DCLK1: variants seen among roughly 807,000 people sequenced by gnomAD.
DCLK1 encodes serine/threonine-protein kinase DCLK1.
Under a neutral mutation model 86.2 loss-of-function variants are expected in DCLK1, and 16 were observed. The observed-to-expected ratio is 0.19, with a 90% CI of 0.13 to 0.28. The LOEUF is 0.28. Ranked by LOEUF, DCLK1 falls within the 10% of genes least tolerant of loss-of-function variation. The probability of loss-of-function intolerance (pLI) is 1.00; values close to 1 mark genes in which losing one functional copy is unlikely to be tolerated. For synonymous variants in DCLK1, 369 were observed against 370.5 expected, an observed-to-expected ratio of 1.00 and a Z score of 0.05; for missense variants, 590 against 940.2, an observed-to-expected ratio of 0.63 and a Z score of 4.87.
At chr13:36,085,647 G>A (rs9575257) in intron 3 of DCLK1, among the ~76,000 whole-genome samples, 46,933 of 152,012 alleles carry the variant, frequency 0.31, 7,652 homozygotes, top group East Asian at 0.53. Flanking sequence ...TATTCTTTGT[G>A]ACTGAGGAAA....
intron 3 of DCLK1, among the ~76,000 whole-genome samples, chr13:36,096,414 A>G (rs1885023844): frequency 1.3e-5 from 2 of 152,262 alleles, no homozygotes; most frequent in South Asian, 2.1e-4. Context: ...CTGAAGTACA[A>G]AGGCATTTTC....
chr13:35,912,398 C>T (rs1875092848), intron 4 of DCLK1, among the ~76,000 whole-genome samples: 1 of 152,072 alleles, frequency 6.6e-6, no homozygotes, highest in Admixed American at 6.5e-5. Flanking sequence ...TCAAAACTAC[C>T]TATGGCCCAC....
intron 10 of DCLK1, among the ~76,000 whole-genome samples, chr13:35,824,918 C>T (rs1253665420): frequency 6.6e-6 from 1 of 152,140 alleles, no homozygotes; most frequent in Admixed American, 6.5e-5. Context: ...CATGACAGCG[C>T]CCTTCCTGAA....
At position 35,836,015 on chromosome 13, in the gene DCLK1, A is replaced by G; in HGVS notation, c.1229+18T>C. 1 of 1,547,828 alleles carries G rather than the reference A, an allele frequency of 6.5e-7. No homozygotes were observed. ...AAATGTAACCTTTAAGGTTTGATGCAAATGATATCCTTCTCACCTTTCTAC... is the reference window on the plus strand; with the variant it reads ...AAATGTAACCTTTAAGGTTTGATGCGAATGATATCCTTCTCACCTTTCTAC... On this transcript the variant is annotated intron_variant, in intron 8 of 16. Coordinates refer to ENST00000360631, the MANE Select transcript of DCLK1 (RefSeq NM_001330071.2).
At chr13:35,950,404 C>G (rs924982928) in intron 3 of DCLK1, among the ~76,000 whole-genome samples, 1 of 152,068 alleles carries the variant, frequency 6.6e-6, no homozygotes, top group East Asian at 1.9e-4. Context: ...GAGAATTTTC[C>G]TTGAGGCATT....
intron 3 of DCLK1, among the ~76,000 whole-genome samples, chr13:36,069,866 C>G (rs966158910): frequency 6.6e-6 from 1 of 152,134 alleles, no homozygotes; most frequent in African/African-American, 2.4e-5. Context: ...GGTGCTATAC[C>G]TTAAAATTAA....
intron 16 of DCLK1, among the ~76,000 whole-genome samples, chr13:35,792,782 A>G (rs1324855368): frequency 1.3e-5 from 2 of 152,228 alleles, no homozygotes; most frequent in African/African-American, 2.4e-5. Context: ...GGCCTTGTGC[A>G]GACGCATCAA....
chr13:35,824,084 C>T (rs1157421559), intron 10 of DCLK1, among the ~76,000 whole-genome samples: 3 of 152,206 alleles, frequency 2.0e-5, no homozygotes, highest in African/African-American at 7.2e-5. Flanking sequence ...GTGAACAGCA[C>T]CCCTGGAGTT....
chr13:36,107,738 C>G (rs939717873), intron 3 of DCLK1, among the ~76,000 whole-genome samples: 1 of 152,094 alleles, frequency 6.6e-6, no homozygotes, highest in Admixed American at 6.6e-5. Flanking sequence ...GATTTAGCAG[C>G]TCAAGAAAGC....
chr13:35,820,291 G>T (rs190054190), intron 11 of DCLK1, among the ~76,000 whole-genome samples: 87 of 152,186 alleles, frequency 5.7e-4, no homozygotes. Context: ...ATAAAATCTC[G>T]TTAGTTTTTC....
At chr13:35,871,099 G>A in intron 5 of DCLK1, 125 bp downstream of exon 5, 2 of 767,474 alleles carry the variant, frequency 2.6e-6, no homozygotes, top group Non-Finnish European at 4.3e-6. Flanking sequence ...GCTCTAAGAT[G>A]TTCTAAAATT....
At chr13:35,883,077 G>A (rs1873015230) in intron 4 of DCLK1, among the ~76,000 whole-genome samples, 1 of 152,144 alleles carries the variant, frequency 6.6e-6, no homozygotes, top group South Asian at 2.1e-4. Context: ...AGGAAACAGA[G>A]GAAAGCAGGC....
chr13:35,831,912 G>A (rs1289861126), intron 8 of DCLK1, among the ~76,000 whole-genome samples: 2 of 152,148 alleles, frequency 1.3e-5, no homozygotes, highest in Non-Finnish European at 2.9e-5. Context: ...GGAGACAGCT[G>A]TCTTGTTCAA....
chr13:35,842,207 C>A (rs1389920911), intron 6 of DCLK1, among the ~76,000 whole-genome samples: 1 of 109,958 alleles, frequency 9.1e-6, no homozygotes, highest in Admixed American at 1.4e-4. Flanking sequence ...CCAGCCTGGG[C>A]GACTGAGTGA....
intron 4 of DCLK1, among the ~76,000 whole-genome samples, chr13:35,916,007 A>G (rs781271289): frequency 1.3e-5 from 2 of 152,148 alleles, no homozygotes; most frequent in Non-Finnish European, 2.9e-5. Flanking sequence ...TAAGGATGGG[A>G]GTCAAAGGTG....
chr13:35,985,736 G>C (rs1447633107), intron 3 of DCLK1, among the ~76,000 whole-genome samples: 2 of 152,178 alleles, frequency 1.3e-5, no homozygotes, highest in Non-Finnish European at 2.9e-5. Context: ...TGCCCCTCCA[G>C]GCCCTTTTTC....
intron 3 of DCLK1, among the ~76,000 whole-genome samples, chr13:35,973,428 G>A (rs537854758): frequency 6.6e-6 from 1 of 152,152 alleles, no homozygotes. Flanking sequence ...TCGCACCTCG[G>A]TCTATGCCTT....
upstream of DCLK1, chr13:36,131,402 C>T (rs1886359038): frequency 5.1e-6 from 1 of 194,570 alleles, no homozygotes; most frequent in Non-Finnish European, 1.0e-5. Context: ...GGCGGGCGCG[C>T]TCCCTTTTCT....
At chr13:36,059,743 C>T (rs1055049886) in intron 3 of DCLK1, among the ~76,000 whole-genome samples, 6 of 152,040 alleles carry the variant, frequency 3.9e-5, no homozygotes, top group Non-Finnish European at 7.4e-5. Flanking sequence ...AAAAGAAAAC[C>T]CCTCTTGCTT....
Sources: gnomAD v4.1 joint callset for allele counts (sites outside exome capture counted in the v4.1 genomes callset) on GRCh38, gnomAD v4.1.1 for gene constraint, MANE v1.5 for transcripts, NCBI Gene and HGNC (gene_info 2026-07-23, HGNC 2026-07-21) for gene names.